Variants in CDC42BPA observed in about 807,000 individuals in gnomAD.
The protein encoded by CDC42BPA is CDC42 binding protein kinase alpha, also known as serine/threonine-protein kinase MRCK alpha.
Under a neutral mutation model 223.5 loss-of-function variants are expected in CDC42BPA, and 80 were observed. The observed-to-expected ratio is 0.36, with a 90% CI of 0.30 to 0.43. The LOEUF is 0.43. Ranked by LOEUF, CDC42BPA falls within the 20% of genes least tolerant of loss-of-function variation. The pLI, the probability that CDC42BPA is intolerant of heterozygous loss-of-function variation, is 1.00. For missense variants in CDC42BPA, 1,743 were observed against 2,099.9 expected, an observed-to-expected ratio of 0.83 and a Z score of 3.32; for synonymous variants, 694 against 718.6, an observed-to-expected ratio of 0.97 and a Z score of 0.55.
intron 3 of CDC42BPA, among the ~76,000 whole-genome samples, chr1:227,210,875 T>C (rs1426033793): frequency 6.6e-6 from 1 of 152,190 alleles, no homozygotes; most frequent in Non-Finnish European, 1.5e-5. Flanking sequence ...GGGTAGCCCA[T>C]GTCCACTGAC....
intron 35 of CDC42BPA, among the ~76,000 whole-genome samples, chr1:226,998,742 C>T (rs1662143018): frequency 6.6e-6 from 1 of 152,162 alleles, no homozygotes; most frequent in African/African-American, 2.4e-5. Flanking sequence ...TGGGCAAGGA[C>T]TTCATGACTA....
intron 2 of CDC42BPA, among the ~76,000 whole-genome samples, chr1:227,253,643 C>T (rs1273670940): frequency 7.9e-6 from 1 of 126,274 alleles, no homozygotes; most frequent in Non-Finnish European, 2.0e-5. Context: ...TACATACATA[C>T]ATACATTCAT....
chr1:227,272,314 A>C (rs1014236160), intron 1 of CDC42BPA, among the ~76,000 whole-genome samples: 23 of 152,330 alleles, frequency 1.5e-4, no homozygotes, highest in African/African-American at 5.3e-4. Flanking sequence ...TCAGAATTGG[A>C]TATTTTTATG....
intron 1 of CDC42BPA, among the ~76,000 whole-genome samples, chr1:227,273,412 A>G (rs1686315559): frequency 6.6e-6 from 1 of 150,938 alleles, no homozygotes; most frequent in African/African-American, 2.4e-5. Flanking sequence ...CTAAAAAAAT[A>G]CAAAATTAGC....
chr1:227,160,987 A>ACTAT (rs879631650), intron 5 of CDC42BPA, among the ~76,000 whole-genome samples: 2 of 152,208 alleles, frequency 1.3e-5, no homozygotes, highest in Non-Finnish European at 2.9e-5. Flanking sequence ...CACAAAAAAT[A>ACTAT]CTATCCTCTA....
chr1:227,156,131 G>A (rs56142241), intron 6 of CDC42BPA, among the ~76,000 whole-genome samples: 95,003 of 144,930 alleles, frequency 0.66, 30,201 homozygotes, highest in South Asian at 0.73. Flanking sequence ...TTTTTTTTTT[G>A]TTTTTATTTA....
intron 1 of CDC42BPA, among the ~76,000 whole-genome samples, chr1:227,256,944 T>TACAG (rs1683151146): frequency 2.9e-5 from 3 of 102,714 alleles, no homozygotes; most frequent in Non-Finnish European, 6.0e-5. Context: ...GATATATATA[T>TACAG]ACAGACACAC....
chr1:227,303,073 T>C (rs1304479882), intron 1 of CDC42BPA, among the ~76,000 whole-genome samples: 2 of 152,060 alleles, frequency 1.3e-5, no homozygotes, highest in African/African-American at 4.8e-5. Context: ...GCTTTCTTTG[T>C]TTGGGACTGT....
chr1:226,998,539 C>A (rs185513796), intron 35 of CDC42BPA, among the ~76,000 whole-genome samples: 1 of 152,034 alleles, frequency 6.6e-6, no homozygotes, highest in Admixed American at 6.6e-5. Context: ...AAACAAGCAA[C>A]GGGGAAAGGA....
intron 1 of CDC42BPA, among the ~76,000 whole-genome samples, chr1:227,262,324 T>TTAAG (rs1200343010): frequency 2.0e-5 from 3 of 152,178 alleles, no homozygotes; most frequent in Non-Finnish European, 2.9e-5. Flanking sequence ...TAATGAATTT[T>TTAAG]TAAGTCACTG....
At chr1:227,279,171 C>A (rs746369099) in intron 1 of CDC42BPA, among the ~76,000 whole-genome samples, 1 of 152,092 alleles carries the variant, frequency 6.6e-6, no homozygotes, top group Non-Finnish European at 1.5e-5. Context: ...GATCCTGCTG[C>A]CTTGATGGCA....
rs562020979 is a variant in CDC42BPA at position 227,093,367 on chromosome 1, G to A, written c.2250-1376C>T. Among the ~76,000 whole-genome samples, 10 of 152,294 alleles carry A rather than the reference G, an allele frequency of 6.6e-5. No individual in the cohort carries two copies. In the East Asian group the frequency reaches 1.9e-3, roughly 29 times the overall value. ...CTAAGGGTGTGGATTCAGAATGAGTGCAGTCCCCAAGACATGAGATGTGAG... is the reference window on the plus strand; with the variant it reads ...CTAAGGGTGTGGATTCAGAATGAGTACAGTCCCCAAGACATGAGATGTGAG... On this transcript the variant is annotated intron_variant, in intron 15 of 36. Coordinates refer to ENST00000366766, the MANE Select transcript of CDC42BPA (RefSeq NM_001394014.1).
At chr1:227,038,178 G>A (rs4653783) in intron 24 of CDC42BPA, among the ~76,000 whole-genome samples, 19,634 of 115,030 alleles carry the variant, frequency 0.17, 1,350 homozygotes, top group East Asian at 0.27. Flanking sequence ...ATTAAGTCTC[G>A]TGAAATCTGA....
intron 3 of CDC42BPA, among the ~76,000 whole-genome samples, chr1:227,205,335 A>C (rs1472605850): frequency 6.6e-6 from 1 of 150,854 alleles, no homozygotes; most frequent in African/African-American, 2.4e-5. Context: ...GCCATTCAGT[A>C]TAATGAAGCT....
intron 1 of CDC42BPA, among the ~76,000 whole-genome samples, chr1:227,263,335 C>T (rs1217139278): frequency 2.0e-5 from 3 of 152,084 alleles, no homozygotes; most frequent in Non-Finnish European, 4.4e-5. Flanking sequence ...ATGGTTACAC[C>T]TGCATGGTAT....
intron 17 of CDC42BPA, among the ~76,000 whole-genome samples, chr1:227,076,258 C>T (rs552098254): frequency 6.6e-6 from 1 of 152,074 alleles, no homozygotes; most frequent in South Asian, 2.1e-4. Context: ...ATCTTTCTCT[C>T]TTATTTATTT....
At chr1:227,300,357 C>T (rs1389640160) in intron 1 of CDC42BPA, among the ~76,000 whole-genome samples, 1 of 152,128 alleles carries the variant, frequency 6.6e-6, no homozygotes, top group Non-Finnish European at 1.5e-5. Flanking sequence ...CAAAAACACA[C>T]CTGCACACAT....
At chr1:227,079,770 C>T (rs2149126332) in intron 17 of CDC42BPA, among the ~76,000 whole-genome samples, 1 of 151,950 alleles carries the variant, frequency 6.6e-6, no homozygotes, top group Non-Finnish European at 1.5e-5. Flanking sequence ...AAATTCCCTA[C>T]AAATGACTGA....
intron 14 of CDC42BPA, among the ~76,000 whole-genome samples, chr1:227,105,310 C>T (rs1241497658): frequency 2.0e-5 from 3 of 151,676 alleles, no homozygotes; most frequent in Non-Finnish European, 2.9e-5. Flanking sequence ...CCACCCAAAC[C>T]CTGGTAACCT....
Sources: gnomAD v4.1 joint callset for allele counts (sites outside exome capture counted in the v4.1 genomes callset) on GRCh38, gnomAD v4.1.1 for gene constraint, MANE v1.5 for transcripts, NCBI Gene and HGNC (gene_info 2026-07-23, HGNC 2026-07-21) for gene names.